Variants in ZNF99 observed in about 807,000 individuals in gnomAD.
The protein encoded by ZNF99 is zinc finger protein 99.
A neutral mutation model predicts 12.8 loss-of-function variants in ZNF99; 8 were observed. That is an observed-to-expected ratio of 0.62 (90% CI 0.37 to 1.13). The LOEUF (loss-of-function observed/expected upper bound fraction) is 1.13, where lower values mean the gene tolerates loss of function less well. Among genes scored for constraint, ZNF99 ranks in the 50% most tolerant of loss-of-function variants. The pLI is 0.02. For synonymous variants in ZNF99, 318 were observed against 319.0 expected, an observed-to-expected ratio of 1.00 and a Z score of 0.03; for missense variants, 1,007 against 1,006.2, an observed-to-expected ratio of 1.00 and a Z score of -0.01.
At chr19:22,766,159 A>G (rs879546536) in intron 3 of ZNF99, among the ~76,000 whole-genome samples, 3 of 151,462 alleles carry the variant, frequency 2.0e-5, no homozygotes, top group Non-Finnish European at 4.4e-5. Context: ...CATAATGTCC[A>G]TTTTTCAACA....
intron 3 of ZNF99, among the ~76,000 whole-genome samples, chr19:22,764,152 C>A (rs35313857): frequency 0.1 from 15,669 of 151,914 alleles, 1,851 homozygotes; most frequent in African/African-American, 0.29. Context: ...CATGATCCAC[C>A]CGTCTCAGCC....
At position 22,756,153 on chromosome 19, in the gene ZNF99, G is replaced by A. The variant is rs1461969153; in HGVS notation, c.*1161C>T. ...CTGTCTCTAGTATAAATTATCTTAT[G>A]TGTATTAAGGTTTGTAAAATGGTTG... On this transcript the variant is annotated 3_prime_UTR_variant, in exon 4 of 4. Transcript: ENST00000596209. 1.9e-5 allele frequency: 28 copies of A among 1,511,358 alleles called. No homozygotes were observed. In the East Asian group the frequency reaches 2.3e-4, roughly 12 times the overall value. 93.6% of individuals were successfully genotyped at this position (1,511,358 alleles called of 1,614,324 possible).
chr19:22,771,943 C>T (rs1046613788), intron 1 of ZNF99, among the ~76,000 whole-genome samples: 4 of 150,248 alleles, frequency 2.7e-5, no homozygotes, highest in Admixed American at 2.0e-4. Flanking sequence ...GTCTCGAACT[C>T]CTGACCTTGT....
At chr19:22,764,751 C>T (rs1690971543) in intron 3 of ZNF99, among the ~76,000 whole-genome samples, 2 of 152,006 alleles carry the variant, frequency 1.3e-5, no homozygotes, top group South Asian at 4.2e-4. Flanking sequence ...TTGCTAATGG[C>T]CAGGGAAATG....
rs1386094819 is a variant in ZNF99, at chr19:22,756,009, TA to T, written c.*1304del. 27 of 846,788 alleles carry T rather than the reference TA, an allele frequency of 3.2e-5. No homozygotes were observed. The highest frequency in any genetic ancestry group is 4.1e-5 in the East Asian group (1 of 24,310). 52.5% of individuals were successfully genotyped at this position (846,788 alleles called of 1,614,324 possible). On this transcript the variant is annotated 3_prime_UTR_variant, in exon 4 of 4. Transcript: ENST00000596209. ...GTGTATTTAAGGTGTGAGGACTGGT[TA>T]AAGGCTTTGCCACATTCTTTACATT... is the stretch of plus-strand genomic sequence containing the variant.
intron 1 of ZNF99, among the ~76,000 whole-genome samples, chr19:22,772,767 CAGAA>C (rs147772847): frequency 0.025 from 3,780 of 151,918 alleles, 133 homozygotes; most frequent in African/African-American, 0.086. Flanking sequence ...TTGCATCTCT[CAGAA>C]AGAAAGTTTT....
intron 1 of ZNF99, 37 bp downstream of exon 1, chr19:22,783,977 C>T (rs1181888953): frequency 6.2e-7 from 1 of 1,613,766 alleles, no homozygotes. Flanking sequence ...CAGTCAGCCC[C>T]TTCCCCTTCT....
rs754410698 is a variant in ZNF99 at position 22,758,576 on chromosome 19, T to C, written c.1333A>G (p.Ile445Val). Residue 445 changes from isoleucine (I) to valine (V), a missense_variant, in exon 4 of 4, where the codon ATA (isoleucine) becomes GTA (valine). Coordinates refer to ENST00000596209, the MANE Select transcript of ZNF99 (RefSeq NM_001080409.3). ...TAGGGTTGCTTTCCAGTATGAATTA[T>C]CTTATGTTTTCTAAGGGCTGAGAAA... is the stretch of plus-strand genomic sequence containing the variant. The part of the protein sequence containing the change: ...KRFSALRKHK[I>V]IHTGKQPYKC... 17 of 1,613,196 alleles carry C rather than the reference T, an allele frequency of 1.1e-5. No individual in the cohort carries two copies. The highest frequency in any genetic ancestry group is 5.0e-5 in the Admixed American group (3 of 59,944).
chr19:22,779,191 CAG>C (rs773123100), intron 1 of ZNF99, among the ~76,000 whole-genome samples: 3 of 152,076 alleles, frequency 2.0e-5, no homozygotes, highest in Non-Finnish European at 2.9e-5. Flanking sequence ...TAGCCAGACA[CAG>C]ACTCTGCACA....
rs933733056 is a variant in ZNF99, at chr19:22,752,568, G to A, written c.*4746C>T. ...AATTTATTTGCAGGTTAAAGCCACT[G>A]AAAAAAAGAGATTACTAGAGATGTT... On this transcript the variant is annotated 3_prime_UTR_variant, in exon 4 of 4. Coordinates refer to ENST00000596209, the MANE Select transcript of ZNF99 (RefSeq NM_001080409.3). 2.6e-5 allele frequency: 4 copies of A among 151,838 alleles called. No individual in the cohort carries two copies. The highest frequency in any genetic ancestry group is 3.4e-3 in the Middle Eastern group (1 of 292). The allele number at this position is 151,838 out of a possible 1,614,324, so 9.4% of individuals were successfully genotyped here. A position where few individuals can be genotyped will look rare whatever the true frequency, so the allele number is the denominator to read the frequency against.
At chr19:22,763,031 C>A (rs2145146946) in intron 3 of ZNF99, among the ~76,000 whole-genome samples, 1 of 152,148 alleles carries the variant, frequency 6.6e-6, no homozygotes, top group South Asian at 2.1e-4. Flanking sequence ...CAACATAATA[C>A]TGAATGAGGA....
At chr19:22,771,246 CTTTTTTTTTTTTTTTT>C (rs74174102) in intron 1 of ZNF99, 10 of 68,206 alleles carry the variant, frequency 1.5e-4, no homozygotes, top group African/African-American at 6.8e-4. Flanking sequence ...AAAGCATTTT[CTTTTTTTTTTTTTTTT>C]TTTTTTTTTT....
At chr19:22,776,643 A>G (rs1407210927) in intron 1 of ZNF99, among the ~76,000 whole-genome samples, 3 of 152,062 alleles carry the variant, frequency 2.0e-5, no homozygotes, top group African/African-American at 7.2e-5. Flanking sequence ...TAGTTCAACC[A>G]TTGTGAAAAG....
Position 22,759,338 on chromosome 19 carries a change from G to T in ZNF99, c.571C>A (p.His191Asn). 3 of 1,548,982 alleles carry T rather than the reference G, an allele frequency of 1.9e-6. No individual in the cohort carries two copies. Among genetic ancestry groups the T allele is most frequent in the Non-Finnish European group, 2.6e-6 (3 of 1,147,836 alleles). The change falls in exon 4 of 4, where the codon CAT (histidine) becomes AAT (asparagine). Residue 191 changes from histidine to asparagine, a missense_variant. Transcript: ENST00000596209. ...TTCTCTCTAGTATGAATTCTCTTAT[G>T]TTGAATTAAGTGTGAAAGCATGAAA... ...SFFMLSHLIQ[H>N]KRIHTRENIY...
chr19:22,775,555 A>T (rs1973316216), intron 1 of ZNF99, among the ~76,000 whole-genome samples: 1 of 149,398 alleles, frequency 6.7e-6, no homozygotes, highest in Non-Finnish European at 1.5e-5. Flanking sequence ...AAAAACTGAC[A>T]AATGGGACCT....
intron 3 of ZNF99, among the ~76,000 whole-genome samples, chr19:22,762,603 T>A (rs1171794086): frequency 6.6e-6 from 1 of 152,034 alleles, no homozygotes; most frequent in African/African-American, 2.4e-5. Flanking sequence ...TTCCATAAGA[T>A]AGAGAAAGAG....
intron 1 of ZNF99, among the ~76,000 whole-genome samples, chr19:22,779,696 T>C (rs1348347170): frequency 1.3e-5 from 2 of 152,202 alleles, no homozygotes; most frequent in African/African-American, 2.4e-5. Context: ...CCTAAGTACA[T>C]GATGACTTCA....
At position 22,758,849 on chromosome 19, in the gene ZNF99, A is replaced by G. The variant is rs1167620876; in HGVS notation, c.1060T>C (p.Ser354Pro). The change falls in exon 4 of 4, where the codon TCA (serine) becomes CCA (proline). Residue 354 changes from serine to proline, a missense_variant. Coordinates refer to ENST00000596209, the MANE Select transcript of ZNF99 (RefSeq NM_001080409.3). ...EECGKAFSQSSTLRKHEIIHT... is the reference protein window; with the variant it reads ...EECGKAFSQSPTLRKHEIIHT... The stretch of plus-strand genomic sequence containing the variant: ...ATTATCTCATGTTTTCTAAGGGTTG[A>G]GGACTGGCTAAAAGCTTTGCCACAT... The G allele has an allele frequency of 1.2e-6, 2 of 1,606,288 alleles. No individual in the cohort carries two copies. The highest frequency in any genetic ancestry group is 1.7e-6 in the Non-Finnish European group (2 of 1,175,130).
intron 1 of ZNF99, among the ~76,000 whole-genome samples, chr19:22,778,855 A>G (rs1381950276): frequency 2.6e-5 from 4 of 151,952 alleles, no homozygotes; most frequent in African/African-American, 9.7e-5. Flanking sequence ...AAATACAAAA[A>G]AATTAGCTGG....
Sources: allele counts gnomAD v4.1 joint callset (sites outside exome capture counted in the v4.1 genomes callset), GRCh38; gene constraint gnomAD v4.1.1; transcripts MANE v1.5; gene names NCBI Gene and HGNC (gene_info 2026-07-23, HGNC 2026-07-21).